SUGCT: variants seen among roughly 807,000 people sequenced by gnomAD.
SUGCT encodes succinyl-CoA:glutarate CoA-transferase.
In SUGCT, 41 loss-of-function variants were observed where a neutral mutation model predicts 55.0. That is an observed-to-expected ratio of 0.74 (90% confidence interval 0.58 to 0.97). The LOEUF is 0.97. Ranked by LOEUF, SUGCT falls within the 50% of genes least tolerant of loss-of-function variation. The pLI is 0.00. For synonymous variants in SUGCT, 187 were observed against 200.4 expected (o/e 0.93, Z 0.56); for missense variants, 568 against 547.8 (o/e 1.04, Z -0.37).
intron 8 of SUGCT, among the ~76,000 whole-genome samples, chr7:40,289,931 A>C (rs1254005863): frequency 3.9e-5 from 6 of 152,238 alleles, no homozygotes; most frequent in Non-Finnish European, 8.8e-5. Context: ...TAAAATACCT[A>C]GGAATCCAAC....
intron 12 of SUGCT, among the ~76,000 whole-genome samples, chr7:40,572,027 G>A (rs573338339): frequency 6.6e-6 from 1 of 152,306 alleles, no homozygotes; most frequent in East Asian, 1.9e-4. Flanking sequence ...GGATGGACGA[G>A]TGGAAGGCAG....
the SUGCT span, among the ~76,000 whole-genome samples, chr7:40,894,603 T>C: frequency 6.6e-6 from 1 of 151,850 alleles, no homozygotes; most frequent in East Asian, 1.9e-4. Context: ...TCTATAAGGA[T>C]CTGAAATCAA....
At chr7:40,659,596 C>G (rs935010925) in intron 12 of SUGCT, among the ~76,000 whole-genome samples, 4 of 152,194 alleles carry the variant, frequency 2.6e-5, no homozygotes, top group African/African-American at 9.7e-5. Context: ...ATGGGCTACA[C>G]AGATATATGA....
At chr7:40,928,353 CT>C in the SUGCT span, among the ~76,000 whole-genome samples, 2 of 151,974 alleles carry the variant, frequency 1.3e-5, no homozygotes, top group East Asian at 1.9e-4. Context: ...ACATCTTTTC[CT>C]TTTTTTGCTT....
rs148893678 is a variant in SUGCT at position 40,454,322 on chromosome 7, A to G, written c.889-4779A>G. ...AAATGCCCGTAGATTTAGTAATTTC[A>G]GCAAACCATAAATGGGATAAACTGA... On this transcript the variant is annotated intron_variant, in intron 10 of 13. Coordinates refer to ENST00000335693, the MANE Select transcript of SUGCT (RefSeq NM_001193313.2). Among the ~76,000 whole-genome samples, 763 of 152,368 alleles carry G rather than the reference A, an allele frequency of 5.0e-3. 10 individuals are homozygous for G. The highest frequency in any genetic ancestry group is 0.017 in the African/African-American group (713 of 41,590).
rs1562865926 is a variant in SUGCT at position 40,565,999 on chromosome 7, A to ACACACACACACACACACGCG, written c.1089+69630_1089+69631insGCGCACACACACACACACAC. Among the ~76,000 whole-genome samples, 72 of 145,140 alleles carry ACACACACACACACACACGCG rather than the reference A, an allele frequency of 5.0e-4. 1 individual carries two copies. Among genetic ancestry groups the ACACACACACACACACACGCG allele is most frequent in the Middle Eastern group, 3.3e-3 (1 of 302 alleles). On this transcript the variant is annotated intron_variant, in intron 12 of 13. Transcript: ENST00000335693. ...CACACACACACACACACACGCACACACACACACACACACACACACACACAC... is the reference window on the plus strand; with the variant it reads ...CACACACACACACACACACGCACACACACACACACACACACACGCGCACACACACACACACACACACACAC...
At chr7:40,241,501 C>T (rs952367619) in intron 7 of SUGCT, among the ~76,000 whole-genome samples, 2 of 151,450 alleles carry the variant, frequency 1.3e-5, no homozygotes, top group African/African-American at 4.9e-5. Flanking sequence ...ATTGGTTGAA[C>T]CCGGGAGGTG....
chr7:40,807,994 T>C (rs1389903919), intron 13 of SUGCT, among the ~76,000 whole-genome samples: 1 of 152,202 alleles, frequency 6.6e-6, no homozygotes, highest in Non-Finnish European at 1.5e-5. Flanking sequence ...TGGGTGGGTC[T>C]GCCTTTCCCA....
At chr7:40,435,945 C>A (rs200765048) in intron 9 of SUGCT, among the ~76,000 whole-genome samples, 1 of 114,602 alleles carries the variant, frequency 8.7e-6, no homozygotes, top group Non-Finnish European at 1.8e-5. Flanking sequence ...CTTTTCTTTT[C>A]TTTTTTTTTT....
At chr7:40,472,693 T>C (rs181700616) in intron 11 of SUGCT, among the ~76,000 whole-genome samples, 38 of 152,250 alleles carry the variant, frequency 2.5e-4, no homozygotes, top group Admixed American at 2.5e-3. Flanking sequence ...GGATCTGACA[T>C]AGCTGATGAG....
intron 9 of SUGCT, among the ~76,000 whole-genome samples, chr7:40,443,651 A>T (rs530247215): frequency 6.6e-6 from 1 of 151,940 alleles, no homozygotes; most frequent in South Asian, 2.1e-4. Context: ...GATTGCAAAA[A>T]TTTTCTCCCA....
intron 9 of SUGCT, among the ~76,000 whole-genome samples, chr7:40,391,100 G>C (rs886936436): frequency 6.6e-6 from 1 of 152,116 alleles, no homozygotes; most frequent in East Asian, 1.9e-4. Context: ...GCTGAAACTG[G>C]ATCCCTTCCT....
intron 12 of SUGCT, among the ~76,000 whole-genome samples, chr7:40,519,429 C>T (rs987696944): frequency 6.6e-6 from 1 of 151,870 alleles, no homozygotes; most frequent in African/African-American, 2.4e-5. Context: ...TACATAGGAA[C>T]CCTTTGTAGT....
At chr7:40,497,059 T>C (rs1295290769) in intron 12 of SUGCT, among the ~76,000 whole-genome samples, 2 of 152,206 alleles carry the variant, frequency 1.3e-5, no homozygotes, top group Admixed American at 1.3e-4. Context: ...TTTGATTTTA[T>C]TACTTCAATC....
At chr7:40,289,654 G>C (rs1253942158) in intron 8 of SUGCT, among the ~76,000 whole-genome samples, 1 of 152,102 alleles carries the variant, frequency 6.6e-6, no homozygotes, top group East Asian at 1.9e-4. Flanking sequence ...GTTCTGGCCA[G>C]GGCAATTAGG....
chr7:40,388,395 A>G (rs953224672), intron 9 of SUGCT, among the ~76,000 whole-genome samples: 1 of 152,148 alleles, frequency 6.6e-6, no homozygotes, highest in African/African-American at 2.4e-5. Flanking sequence ...AGTCATTGAA[A>G]GCAACAGAAA....
intron 12 of SUGCT, among the ~76,000 whole-genome samples, chr7:40,542,465 G>T (rs1794746362): frequency 6.6e-6 from 1 of 152,128 alleles, no homozygotes; most frequent in Non-Finnish European, 1.5e-5. Context: ...CGATGATGTG[G>T]TTAAAGTAGT....
At position 40,176,708 on chromosome 7, in the gene SUGCT, C is replaced by T. The variant is rs561177682; in HGVS notation, c.101-4239C>T. Among the ~76,000 whole-genome samples, 8 of 151,994 alleles carry T rather than the reference C, an allele frequency of 5.3e-5. No individual in the cohort carries two copies. The East Asian group carries it at 1.4e-3, about 26-fold the overall frequency. ...AAATTTCAGGCCAGGCACGGTGCCT[C>T]ATGCCTGTAATCCCAGCACTTTGAG... is the stretch of plus-strand genomic sequence containing the variant. On this transcript the variant is annotated intron_variant, in intron 1 of 13. Transcript: ENST00000335693.
chr7:40,864,140 T>G (rs146011159), downstream of SUGCT, among the ~76,000 whole-genome samples: 14 of 152,286 alleles, frequency 9.2e-5, no homozygotes, highest in African/African-American at 3.4e-4. Flanking sequence ...TGCCATTTTC[T>G]GAGCATGAAT....
Sources: gnomAD v4.1 joint callset for allele counts (sites outside exome capture counted in the v4.1 genomes callset) on GRCh38, gnomAD v4.1.1 for gene constraint, MANE v1.5 for transcripts, NCBI Gene and HGNC (gene_info 2026-07-23, HGNC 2026-07-21) for gene names.